Variants in SIM1 observed in about 807,000 individuals in gnomAD.
SIM1 encodes single-minded homolog 1.
A neutral mutation model predicts 78.2 loss-of-function variants in SIM1; 18 were observed. The ratio of observed to expected loss-of-function variants is 0.23; its 90% CI spans 0.16 to 0.34. SIM1 has a LOEUF of 0.34. Among genes scored for constraint, SIM1 ranks in the 10% least tolerant of loss-of-function variants. SIM1 has a pLI of 1.00. For synonymous variants in SIM1, 417 were observed against 385.2 expected (o/e 1.08, Z -0.97); for missense variants, 939 against 975.1 (o/e 0.96, Z 0.49).
rs374252955 is a variant in SIM1 at position 100,450,665 on chromosome 6, G to GTCTCTC, written c.259-315_259-310dup. ...TACATCCATAAAACACACACACACT[G>GTCTCTC]TCTCTCTCTCTCTCTCTCTCTCTCT... On this transcript the variant is annotated intron_variant, in intron 3 of 11. Coordinates refer to ENST00000369208, the MANE Select transcript of SIM1 (RefSeq NM_005068.3). Among the ~76,000 whole-genome samples, 528 of 117,232 alleles carry GTCTCTC rather than the reference G, an allele frequency of 4.5e-3. 3 individuals are homozygous for GTCTCTC. Among genetic ancestry groups the GTCTCTC allele is most frequent in the Middle Eastern group, 0.013 (3 of 224 alleles). 76.9% of individuals were successfully genotyped at this position (117,232 alleles called of 152,430 possible).
At position 100,448,640 on chromosome 6, in the gene SIM1, G is replaced by A. The variant is rs898235837; in HGVS notation, c.582C>T (p.Tyr194=). The A allele has an allele frequency of 1.2e-6, 2 of 1,613,304 alleles. No individual in the cohort carries two copies. Among genetic ancestry groups the A allele is most frequent in the Admixed American group, 1.7e-5 (1 of 60,006 alleles). ...CGTCGAAGGGGGACATGTCCAGGCT[G>A]TACTGGCGGATCTTCAAGTAGCCGC... ...HCSGYLKIRQ[Y]SLDMSPFDGC... is the part of the protein sequence containing the mutation. Residue 194 remains tyrosine (Y), a synonymous_variant, in exon 7 of 12, where the codon TAC becomes TAT. Transcript: ENST00000369208.
rs1018836854 is a variant in SIM1, at chr6:100,459,144, G to A, written c.175+4150C>T. Among the ~76,000 whole-genome samples the A allele has an allele frequency of 4.6e-5, 7 of 152,202 alleles. No individual in the cohort carries two copies. In the East Asian group the frequency reaches 1.3e-3, roughly 29 times the overall value. Reference sequence around the variant, plus strand: ...ATTAGATTTGTTCTTTAGAAATTCAGCCCCGTTTTATCATTAGACGGGTGA... The same window carrying A: ...ATTAGATTTGTTCTTTAGAAATTCAACCCCGTTTTATCATTAGACGGGTGA... On this transcript the variant is annotated intron_variant, in intron 2 of 11. Coordinates refer to ENST00000369208, the MANE Select transcript of SIM1 (RefSeq NM_005068.3).
Position 100,385,323 on chromosome 6 carries a change from A to G in SIM1, c.*5038T>C, listed in dbSNP as rs972290877. ...TTTTATAGCACATTAGTCAAAAAAC[A>G]AATGTAAAATATTTTATCTTTTTTG... On this transcript the variant is annotated 3_prime_UTR_variant, in exon 12 of 12. Coordinates refer to ENST00000369208, the MANE Select transcript of SIM1 (RefSeq NM_005068.3). 1 of 152,122 alleles carries G rather than the reference A, an allele frequency of 6.6e-6. No individual in the cohort carries two copies. The highest frequency in any genetic ancestry group is 1.5e-5 in the Non-Finnish European group (1 of 67,970). The allele number at this position is 152,122 out of a possible 1,614,324, so 9.4% of individuals were successfully genotyped here.
intron 3 of SIM1, among the ~76,000 whole-genome samples, chr6:100,450,696 T>TCTCTCACACACACACA (rs1421452803): frequency 2.5e-4 from 23 of 91,930 alleles, no homozygotes; most frequent in South Asian, 4.7e-4. Context: ...TCTCTCTCTC[T>TCTCTCACACACACACA]CACACACACA....
intron 9 of SIM1, among the ~76,000 whole-genome samples, chr6:100,433,966 C>T (rs899437836): frequency 4.6e-5 from 7 of 152,014 alleles, no homozygotes; most frequent in South Asian, 2.1e-4. Flanking sequence ...CATTTCTTAC[C>T]GTTACCTTAA....
At chr6:100,436,842 A>G (rs1772064822) in intron 9 of SIM1, among the ~76,000 whole-genome samples, 1 of 150,746 alleles carries the variant, frequency 6.6e-6, no homozygotes, top group African/African-American at 2.4e-5. Context: ...AGGTTCAAGC[A>G]ATTCCCCTGC....
intron 10 of SIM1, among the ~76,000 whole-genome samples, chr6:100,415,141 A>G (rs1013064573): frequency 2.0e-5 from 3 of 152,232 alleles, no homozygotes; most frequent in Non-Finnish European, 2.9e-5. Context: ...TAATAAATGT[A>G]ACTACAAACA....
chr6:100,429,300 C>T (rs1389365846), intron 9 of SIM1, among the ~76,000 whole-genome samples: 1 of 150,626 alleles, frequency 6.6e-6, no homozygotes, highest in Non-Finnish European at 1.5e-5. Flanking sequence ...AACCCAGAGG[C>T]AGAGATTGCA....
At chr6:100,433,740 C>CCACACACACACACACA (rs528530747) in intron 9 of SIM1, among the ~76,000 whole-genome samples, 20 of 124,292 alleles carry the variant, frequency 1.6e-4, no homozygotes, top group African/African-American at 5.5e-4. Context: ...ACCCCCCCAC[C>CCACACACACACACACA]CACACACACA....
In SIM1 at chr6:100,404,692, T is replaced by G. The variant is rs3798512; in HGVS notation, c.1168-10803A>C. On this transcript the variant is annotated intron_variant, in intron 10 of 11. Transcript: ENST00000369208. The stretch of plus-strand genomic sequence containing the variant: ...ACCCCCACTTCTCGGGATGCTTCCC[T>G]CAAACAGGAGTACTGTTTACTATAA... 6.8e-4 allele frequency among the ~76,000 whole-genome samples: 103 copies of G among 152,338 alleles called. 3 individuals carry two copies. The East Asian group carries it at 0.013, about 19-fold the overall frequency.
At chr6:100,416,991 A>AC (rs1554221292) in intron 10 of SIM1, among the ~76,000 whole-genome samples, 1 of 151,784 alleles carries the variant, frequency 6.6e-6, no homozygotes, top group Non-Finnish European at 1.5e-5. Context: ...AAAAAAAAAA[A>AC]CAAACTCTAA....
chr6:100,412,655 A>AAGAAAG (rs1771252741), intron 10 of SIM1, among the ~76,000 whole-genome samples: 1 of 96,636 alleles, frequency 1.0e-5, no homozygotes, highest in African/African-American at 3.8e-5. Context: ...GAAAGAAAGA[A>AAGAAAG]AGAGAGAGAG....
chr6:100,461,841 C>CTTTTTTTTTTTTTTT (rs10522700), intron 2 of SIM1, among the ~76,000 whole-genome samples: 4 of 113,350 alleles, frequency 3.5e-5, no homozygotes, highest in African/African-American at 1.4e-4. Flanking sequence ...TTCTTTCTTT[C>CTTTTTTTTTTTTTTT]TTTTTTTTTT....
At chr6:100,404,406 T>C (rs954440875) in intron 10 of SIM1, among the ~76,000 whole-genome samples, 1 of 152,234 alleles carries the variant, frequency 6.6e-6, no homozygotes, top group Non-Finnish European at 1.5e-5. Context: ...TAAAGTCCTG[T>C]TTTTCATGAA....
chr6:100,422,323 C>A (rs1038256415), intron 9 of SIM1, among the ~76,000 whole-genome samples: 7 of 152,056 alleles, frequency 4.6e-5, no homozygotes, highest in Non-Finnish European at 7.3e-5. Context: ...CTTGCCTCAG[C>A]CTCCCGAGTA....
chr6:100,399,058 A>G (rs1233511278), intron 10 of SIM1, among the ~76,000 whole-genome samples: 1 of 151,970 alleles, frequency 6.6e-6, no homozygotes, highest in East Asian at 1.9e-4. Flanking sequence ...GATGTTGAGC[A>G]TCCTTCCGCA....
Position 100,393,580 on chromosome 6 carries a change from G to A in SIM1, c.1477C>T (p.Arg493Cys), listed in dbSNP as rs902020250. ...GCCTTTGTCAGGGGCAAGGCTGCGC[G>A]AGAGCCCCACCAGGGCTCCCTCCCG... Reference protein sequence around the residue: ...QAGREPWWGSRAALPLTKASP... With the variant: ...QAGREPWWGSCAALPLTKASP... The change falls in exon 11 of 12, where the codon CGC becomes TGC. Residue 493 changes from arginine (R) to cysteine (C), a missense_variant. By Grantham distance (180) the Arg-to-Cys change is radical (BLOSUM62 -3). Coordinates refer to ENST00000369208, the MANE Select transcript of SIM1 (RefSeq NM_005068.3). The A allele has an allele frequency of 2.4e-5, 39 of 1,613,374 alleles. No homozygotes were observed. The highest frequency in any genetic ancestry group is 3.1e-5 in the Non-Finnish European group (36 of 1,179,504).
Position 100,390,840 on chromosome 6 carries a change from T to C in SIM1, c.1822A>G (p.Asn608Asp), listed in dbSNP as rs1403566831. The change falls in exon 12 of 12, where the codon AAC becomes GAC. Residue 608 changes from asparagine to aspartate, a missense_variant. Coordinates refer to ENST00000369208, the MANE Select transcript of SIM1 (RefSeq NM_005068.3). ...CCTGTTGGTGGGGGCTGTTGGTAGTTTGCAAAACACAGGGAGTGTTTTTTC... is the reference window on the plus strand; with the variant it reads ...CCTGTTGGTGGGGGCTGTTGGTAGTCTGCAAAACACAGGGAGTGTTTTTTC... The part of the protein sequence containing the change: ...AGKKHSLCFA[N>D]YQQPPPTGEV... 1.3e-5 allele frequency: 21 copies of C among 1,614,062 alleles called. No individual in the cohort carries two copies. Among genetic ancestry groups the C allele is most frequent in the Admixed American group, 1.7e-5 (1 of 59,996 alleles).
chr6:100,416,298 T>C lies in SIM1; in HGVS notation c.1167+4492A>G, dbSNP rs139716560. Among the ~76,000 whole-genome samples the C allele has an allele frequency of 3.9e-3, 586 of 151,814 alleles. 4 individuals are homozygous for C. The highest frequency in any genetic ancestry group is 0.014 in the African/African-American group (570 of 41,294). ...TTACAATTTGTGCATGTCTTGCATA[T>C]TAGTATAAGGGTGCCTAAATAATTC... On this transcript the variant is annotated intron_variant, in intron 10 of 11. Coordinates refer to ENST00000369208, the MANE Select transcript of SIM1 (RefSeq NM_005068.3).
Sources: allele counts gnomAD v4.1 joint callset (sites outside exome capture counted in the v4.1 genomes callset), GRCh38; gene constraint gnomAD v4.1.1; transcripts MANE v1.5; gene names NCBI Gene and HGNC (gene_info 2026-07-23, HGNC 2026-07-21).